The following TEX35 variants were observed in gnomAD, a reference collection of about 807,000 sequenced individuals.
The protein encoded by TEX35 is testis-expressed protein 35.
Under a neutral mutation model 31.9 loss-of-function variants are expected in TEX35, and 26 were observed. That is an observed-to-expected ratio of 0.81 (90% CI 0.60 to 1.13). The LOEUF is 1.13. Ranked by LOEUF, TEX35 falls within the 50% of genes most tolerant of loss-of-function variation. The probability of loss-of-function intolerance (pLI) is 0.00; values close to 1 mark genes in which losing one functional copy is unlikely to be tolerated. For synonymous variants in TEX35, 87 were observed against 90.7 expected, an observed-to-expected ratio of 0.96 and a Z score of 0.23; for missense variants, 278 against 273.5, an observed-to-expected ratio of 1.02 and a Z score of -0.12.
At chr1:178,519,599 G>A (rs748189638) in intron 5 of TEX35, among the ~76,000 whole-genome samples, 1 of 152,142 alleles carries the variant, frequency 6.6e-6, no homozygotes, top group Non-Finnish European at 1.5e-5. Flanking sequence ...TATGCAGATG[G>A]TGTAATTTCT....
chr1:178,521,695 G>T, intron 8 of TEX35: 1 of 1,551,966 alleles, frequency 6.4e-7, no homozygotes, highest in Non-Finnish European at 8.7e-7. Flanking sequence ...CCTACCAGCA[G>T]TTCCGATTCA....
rs142539540 is a variant in TEX35, at chr1:178,519,162, C to G, written c.277-1210C>G. 4.0e-3 allele frequency among the ~76,000 whole-genome samples: 615 copies of G among 152,170 alleles called. 4 individuals are homozygous for G. Among genetic ancestry groups the G allele is most frequent in the Non-Finnish European group, 6.1e-3 (412 of 68,002 alleles). On this transcript the variant is annotated intron_variant, in intron 5 of 8. Transcript: ENST00000319416. ...CCAGGGAGCAGGTGGAGATGTCTGA[C>G]AGCAAGAACACCACAGCTGGACCAG...
intron 4 of TEX35, 74 bp from the exon 5 acceptor site, chr1:178,516,541 G>A: frequency 3.7e-6 from 5 of 1,344,980 alleles, no homozygotes; most frequent in Non-Finnish European, 5.3e-6. Flanking sequence ...TGCTTAAAAT[G>A]CCTGAAAGAT....
chr1:178,514,698 A>G lies in TEX35; in HGVS notation c.91-2A>G. The G allele has an allele frequency of 6.2e-7, 1 of 1,613,862 alleles. No individual in the cohort carries two copies. The highest frequency in any genetic ancestry group is 1.1e-5 in the South Asian group (1 of 90,948). The stretch of plus-strand genomic sequence containing the variant: ...GGTCTGTGTTCCTGTTTCAATCCAC[A>G]GACATTTGATTACAAAGCAGTTAAA... On this transcript the variant is annotated splice_acceptor_variant, in intron 2 of 8. Coordinates refer to ENST00000319416, the MANE Select transcript of TEX35 (RefSeq NM_032126.5). LOFTEE classifies it high-confidence loss of function.
At chr1:178,521,285 T>A in intron 8 of TEX35, 21 bp downstream of exon 8, 1 of 1,614,146 alleles carries the variant, frequency 6.2e-7, no homozygotes, top group Non-Finnish European at 8.5e-7. Flanking sequence ...TCATACAAGA[T>A]GTGCCTTTTC....
downstream of TEX35, among the ~76,000 whole-genome samples, chr1:178,522,937 G>A (rs1351798617): frequency 2.6e-5 from 4 of 151,996 alleles, no homozygotes; most frequent in Non-Finnish European, 4.4e-5. Flanking sequence ...CATCCCTACC[G>A]GCCCCCAAGC....
Position 178,520,422 on chromosome 1 carries a change from G to C in TEX35, c.327G>C (p.Gln109His). Residue 109 changes from glutamine (Q) to histidine (H), a missense_variant, in exon 6 of 9, where the codon CAG becomes CAC. By Grantham distance (24) the Gln-to-His change is conservative (BLOSUM62 0). Coordinates refer to ENST00000319416, the MANE Select transcript of TEX35 (RefSeq NM_032126.5). ...AGATGGACATTTTAATAAATACACA[G>C]AAGAACTATAAGCTGTAAGTGTAAC... Reference protein sequence around the residue: ...DEKMDILINTQKNYKLPLRRA... With the variant: ...DEKMDILINTHKNYKLPLRRA... 1 of 1,614,106 alleles carries C rather than the reference G, an allele frequency of 6.2e-7. No individual in the cohort carries two copies.
intron 8 of TEX35, 193 bp downstream of exon 8, chr1:178,521,457 C>G (rs1051998000): frequency 9.8e-7 from 1 of 1,017,038 alleles, no homozygotes; most frequent in Non-Finnish European, 1.5e-6. Flanking sequence ...CTTGGGTCAC[C>G]CAGCCTAGAG....
Position 178,514,009 on chromosome 1 carries a change from A to C in TEX35, c.40-18A>C. On this transcript the variant is annotated intron_variant, in intron 1 of 8. Coordinates refer to ENST00000319416, the MANE Select transcript of TEX35 (RefSeq NM_032126.5). ...CCTGATGTCTGCCAGCCTGAATCTC[A>C]GTCTCCTCTTTTTGCAGAGCAAGAA... 1.9e-6 allele frequency: 3 copies of C among 1,613,330 alleles called. No homozygotes were observed. The highest frequency in any genetic ancestry group is 2.5e-6 in the Non-Finnish European group (3 of 1,179,654).
At chr1:178,517,176 C>T (rs1650108355) in intron 5 of TEX35, among the ~76,000 whole-genome samples, 1 of 152,134 alleles carries the variant, frequency 6.6e-6, no homozygotes, top group African/African-American at 2.4e-5. Flanking sequence ...AATAGGTACC[C>T]ATTTTTCAAG....
chr1:178,513,676 T>C (rs969154045), intron 1 of TEX35, among the ~76,000 whole-genome samples: 2 of 152,268 alleles, frequency 1.3e-5, no homozygotes, highest in African/African-American at 4.8e-5. Context: ...GCTGAGACTA[T>C]AGTGCAAATC....
intron 7 of TEX35, 25 bp from the exon 8 acceptor site, chr1:178,521,197 C>A (rs1191920999): frequency 6.2e-7 from 1 of 1,614,190 alleles, no homozygotes; most frequent in Non-Finnish European, 8.5e-7. Context: ...ATTGATCTTT[C>A]TTGTGCCGTT....
intron 7 of TEX35, 58 bp downstream of exon 7, chr1:178,520,932 T>G (rs1200114090): frequency 1.2e-6 from 2 of 1,602,578 alleles, no homozygotes; most frequent in Non-Finnish European, 1.7e-6. Flanking sequence ...TCCGGCTCCC[T>G]GGTGACTTCC....
rs746155237 is a variant in TEX35, at chr1:178,522,407, G to C, written c.669G>C (p.Val223=). ...VTTQPSVGHA[V]PAPKSQTEGR The stretch of plus-strand genomic sequence containing the variant: ...CCCAACCTTCTGTGGGCCACGCTGT[G>C]CCTGCCCCAAAGTCCCAGACTGAGG... Residue 223 remains valine (V), a synonymous_variant, in exon 9 of 9, where the codon GTG becomes GTC. Transcript: ENST00000319416. 1.9e-6 allele frequency: 3 copies of C among 1,604,116 alleles called. No individual in the cohort carries two copies. Among genetic ancestry groups the C allele is most frequent in the Non-Finnish European group, 2.6e-6 (3 of 1,174,864 alleles).
rs1046131235 is a variant in TEX35, at chr1:178,521,775, C to T, written c.586+511C>T. 1.6e-5 allele frequency: 25 copies of T among 1,550,992 alleles called. No homozygotes were observed. In the African/African-American group the frequency reaches 2.9e-4, roughly 18 times the overall value. ...TGTTAAATACCACCCCAACCCCAGG[C>T]CTCCACTGGAGATTAAAAACCTTCA... On this transcript the variant is annotated intron_variant, in intron 8 of 8. Coordinates refer to ENST00000319416, the MANE Select transcript of TEX35 (RefSeq NM_032126.5).
chr1:178,522,549 G>T lies in TEX35; in HGVS notation c.*109G>T. The T allele has an allele frequency of 7.5e-7, 1 of 1,324,862 alleles. No homozygotes were observed. Among genetic ancestry groups the T allele is most frequent in the South Asian group, 2.4e-5 (1 of 41,408 alleles). 82.1% of individuals were successfully genotyped at this position (1,324,862 alleles called of 1,614,324 possible). A position where few individuals can be genotyped will look rare whatever the true frequency, so the allele number is the denominator to read the frequency against. ...CTTTGGCTTCAATTTGAAGGACGAG[G>T]AATGATGGGATTTCATATTTTATTT... On this transcript the variant is annotated 3_prime_UTR_variant, in exon 9 of 9. Transcript: ENST00000319416.
intron 8 of TEX35, chr1:178,521,553 T>C (rs1215263563): frequency 7.0e-7 from 1 of 1,419,916 alleles, no homozygotes; most frequent in Middle Eastern, 1.7e-4. Flanking sequence ...TTTCTCCCCA[T>C]CCAGTGGGAA....
chr1:178,519,297 G>A (rs539458797), intron 5 of TEX35, among the ~76,000 whole-genome samples: 6 of 152,190 alleles, frequency 3.9e-5, no homozygotes, highest in Non-Finnish European at 7.3e-5. Flanking sequence ...GCAAGCGTCC[G>A]TGATGACACC....
intron 8 of TEX35, chr1:178,521,507 C>A (rs1650276027): frequency 8.8e-7 from 1 of 1,140,178 alleles, no homozygotes; most frequent in East Asian, 2.6e-5. Context: ...GGGTGCACCA[C>A]TAGTGGCGGA....
Sources: gnomAD v4.1 joint callset for allele counts (sites outside exome capture counted in the v4.1 genomes callset) on GRCh38, gnomAD v4.1.1 for gene constraint, MANE v1.5 for transcripts, NCBI Gene and HGNC (gene_info 2026-07-23, HGNC 2026-07-21) for gene names.